The following DNAH8 variants were observed in gnomAD, a reference collection of about 807,000 sequenced individuals.
DNAH8 encodes dynein axonemal heavy chain 8.
Under a neutral mutation model 562.1 loss-of-function variants are expected in DNAH8, and 382 were observed. That is an observed-to-expected ratio of 0.68 (90% confidence interval 0.63 to 0.74). The LOEUF (loss-of-function observed/expected upper bound fraction) is 0.74, where lower values mean the gene tolerates loss of function less well. Ranked by LOEUF, DNAH8 falls within the 30% of genes least tolerant of loss-of-function variation. The pLI is 0.00. For synonymous variants in DNAH8, 1,881 were observed against 1,919.4 expected, an observed-to-expected ratio of 0.98 and a Z score of 0.52; for missense variants, 5,203 against 5,620.4, an observed-to-expected ratio of 0.93 and a Z score of 2.37.
intron 77 of DNAH8, among the ~76,000 whole-genome samples, chr6:38,937,629 T>C (rs1783080239): frequency 6.6e-6 from 1 of 151,110 alleles, no homozygotes; most frequent in Non-Finnish European, 1.5e-5. Context: ...AAGATGACAG[T>C]GGGTGTGAAG....
At chr6:38,865,862 G>A (rs1428313275) in intron 45 of DNAH8, among the ~76,000 whole-genome samples, 1 of 152,192 alleles carries the variant, frequency 6.6e-6, no homozygotes, top group Non-Finnish European at 1.5e-5. Context: ...TATTGACAGT[G>A]CCCAGTAAAT....
rs1289181817 is a variant in DNAH8, at chr6:38,862,279, G to A, written c.6132-1G>A. ...ATGCTTTATTGGATGAACATTTGCA[G>A]ATGCTATATCACGTTAGCTCAGGCC... On this transcript the variant is annotated splice_acceptor_variant, in intron 43 of 92. Transcript: ENST00000327475. LOFTEE classifies it high-confidence loss of function. 2 of 1,609,826 alleles carry A rather than the reference G, an allele frequency of 1.2e-6. No homozygotes were observed. The highest frequency in any genetic ancestry group is 4.5e-5 in the East Asian group (2 of 44,834).
At chr6:38,881,350 A>G (rs1778462507) in intron 53 of DNAH8, among the ~76,000 whole-genome samples, 2 of 152,222 alleles carry the variant, frequency 1.3e-5, no homozygotes, top group African/African-American at 4.8e-5. Context: ...ACTTTTGGGT[A>G]TAATTCTGAA....
rs1245507220 is a variant in DNAH8 at position 38,954,571 on chromosome 6, C to T, written c.12451+3051C>T. On this transcript the variant is annotated intron_variant, in intron 82 of 92. Coordinates refer to ENST00000327475, the MANE Select transcript of DNAH8 (RefSeq NM_001206927.2). The stretch of plus-strand genomic sequence containing the variant: ...TACAAAAATTAGCCGGGCATGGTGG[C>T]GCGCGCCTGTAGTCCCAGCTACACG... Among the ~76,000 whole-genome samples the T allele has an allele frequency of 1.1e-4, 2 of 18,262 alleles. 1 individual carries two copies. The highest frequency in any genetic ancestry group is 1.8e-4 in the Non-Finnish European group (2 of 11,156). The allele number at this position is 18,262 out of a possible 152,430, so 12.0% of individuals were successfully genotyped here. A position where few individuals can be genotyped will look rare whatever the true frequency, so the allele number is the denominator to read the frequency against.
At chr6:38,830,428 G>A (rs895253425) in intron 30 of DNAH8, among the ~76,000 whole-genome samples, 9 of 151,246 alleles carry the variant, frequency 6.0e-5, no homozygotes, top group Admixed American at 2.0e-4. Flanking sequence ...AGTTCAGGAG[G>A]TCGAGACCAT....
At chr6:38,958,551 C>T (rs74508819) in intron 82 of DNAH8, among the ~76,000 whole-genome samples, 21,167 of 138,998 alleles carry the variant, frequency 0.15, 1,621 homozygotes, top group African/African-American at 0.21. Context: ...AATTTCTGGA[C>T]AAATATAACC....
intron 10 of DNAH8, among the ~76,000 whole-genome samples, chr6:38,761,262 C>G (rs13213008): frequency 1.2e-5 from 1 of 81,546 alleles, no homozygotes; most frequent in Non-Finnish European, 2.2e-5. Context: ...CCTCCCCCCT[C>G]CCCCCACCCC....
At chr6:38,958,536 G>A (rs1762409486) in intron 82 of DNAH8, among the ~76,000 whole-genome samples, 1 of 149,724 alleles carries the variant, frequency 6.7e-6, no homozygotes, top group Admixed American at 6.7e-5. Flanking sequence ...TAGAATAAAT[G>A]GATAAATTTC....
At chr6:38,911,954 G>A (rs1024528680) in intron 66 of DNAH8, among the ~76,000 whole-genome samples, 2 of 152,124 alleles carry the variant, frequency 1.3e-5, no homozygotes, top group African/African-American at 4.8e-5. Flanking sequence ...ACTTTGCCAT[G>A]TTAATTTTCC....
In DNAH8 at chr6:38,936,581, A is replaced by G. The variant is rs778564443; in HGVS notation, c.11563+884A>G. On this transcript the variant is annotated intron_variant, in intron 77 of 92. Coordinates refer to ENST00000327475, the MANE Select transcript of DNAH8 (RefSeq NM_001206927.2). ...GACCTTCCAGAAGTACTGTACCTTT[A>G]TGGTGAGCTTAGTGAAAAGTCCTTT... is the stretch of plus-strand genomic sequence containing the variant. 2.6e-4 allele frequency among the ~76,000 whole-genome samples: 39 copies of G among 152,266 alleles called. 1 individual carries two copies. The highest frequency in any genetic ancestry group is 1.9e-4 in the East Asian group (1 of 5,172).
intron 12 of DNAH8, among the ~76,000 whole-genome samples, chr6:38,772,479 T>C (rs971280985): frequency 6.6e-6 from 1 of 152,210 alleles, no homozygotes; most frequent in Non-Finnish European, 1.5e-5. Context: ...TTTGATGTAC[T>C]TTTGCCCATT....
intron 85 of DNAH8, among the ~76,000 whole-genome samples, chr6:38,976,423 A>G (rs545254682): frequency 2.1e-4 from 32 of 152,342 alleles, no homozygotes; most frequent in African/African-American, 7.2e-4. Flanking sequence ...AATTTTAGAC[A>G]TATGTTTCAG....
At chr6:38,748,176 G>A (rs1284562218) in intron 8 of DNAH8, among the ~76,000 whole-genome samples, 1 of 152,176 alleles carries the variant, frequency 6.6e-6, no homozygotes, top group Non-Finnish European at 1.5e-5. Context: ...ATGAATTTGT[G>A]GATCAAAGGC....
chr6:38,798,599 G>A (rs566553414), intron 21 of DNAH8, among the ~76,000 whole-genome samples: 2 of 152,338 alleles, frequency 1.3e-5, no homozygotes, highest in Admixed American at 1.3e-4. Flanking sequence ...GTTGCCAGCT[G>A]ACACAGGACA....
At chr6:38,759,367 G>T (rs75747652) in intron 10 of DNAH8, among the ~76,000 whole-genome samples, 4,599 of 152,076 alleles carry the variant, frequency 0.03, 222 homozygotes, top group African/African-American at 0.1. Context: ...AAACCCACAT[G>T]AATAGAATTT....
chr6:38,895,998 T>C, intron 59 of DNAH8, 35 bp from the exon 60 acceptor site: 2 of 1,567,448 alleles, frequency 1.3e-6, no homozygotes, highest in Non-Finnish European at 1.7e-6. Context: ...GATGCTTTCA[T>C]ATTTAACATT....
chr6:38,794,311 A>ATTT (rs111784032), intron 21 of DNAH8, among the ~76,000 whole-genome samples: 1 of 141,516 alleles, frequency 7.1e-6, no homozygotes, highest in African/African-American at 2.6e-5. Context: ...CAAGGCCTTA[A>ATTT]TTTTTTTTTT....
At chr6:38,738,718 A>G (rs1764302197) in intron 7 of DNAH8, among the ~76,000 whole-genome samples, 1 of 152,142 alleles carries the variant, frequency 6.6e-6, no homozygotes, top group Non-Finnish European at 1.5e-5. Context: ...TTACCTTTCT[A>G]GAACTATGTT....
intron 1 of DNAH8, among the ~76,000 whole-genome samples, 196 bp from the exon 2 acceptor site, chr6:38,722,580 G>GTCT (rs1491263334): frequency 8.1e-6 from 1 of 123,146 alleles, no homozygotes; most frequent in Non-Finnish European, 1.8e-5. Flanking sequence ...CCAGGTGGGT[G>GTCT]GGGGTGTGTG....
Sources: gnomAD v4.1 joint callset for allele counts (sites outside exome capture counted in the v4.1 genomes callset) on GRCh38, gnomAD v4.1.1 for gene constraint, MANE v1.5 for transcripts, NCBI Gene and HGNC (gene_info 2026-07-23, HGNC 2026-07-21) for gene names.